DCC: variants seen among roughly 807,000 people sequenced by gnomAD.
The protein encoded by DCC is DCC netrin 1 receptor.
In DCC, 58 loss-of-function variants were observed where a neutral mutation model predicts 172.5. That is an observed-to-expected ratio of 0.34 (90% CI 0.27 to 0.42). The LOEUF is 0.42. DCC is among the 10% of genes least tolerant of loss of function. DCC has a pLI of 1.00. For synonymous variants in DCC, 709 were observed against 644.5 expected (o/e 1.10, Z -1.52); for missense variants, 1,740 against 1,791.0 (o/e 0.97, Z 0.51).
rs73457786 is a variant in DCC, at chr18:52,743,945, T to C, written c.92-8109T>C. Among the ~76,000 whole-genome samples, 393 of 152,336 alleles carry C rather than the reference T, an allele frequency of 2.6e-3. 1 individual carries two copies. The highest frequency in any genetic ancestry group is 9.1e-3 in the African/African-American group (379 of 41,586). ...ATGTCCTGACACTAAAATCACTTCC[T>C]GATTCAGTCATGCTAGCTTTCCAAG... is the stretch of plus-strand genomic sequence containing the variant. On this transcript the variant is annotated intron_variant, in intron 1 of 28. Coordinates refer to ENST00000442544, the MANE Select transcript of DCC (RefSeq NM_005215.4).
At chr18:52,764,142 A>T (rs2037206505) in intron 2 of DCC, among the ~76,000 whole-genome samples, 1 of 152,180 alleles carries the variant, frequency 6.6e-6, no homozygotes, top group Non-Finnish European at 1.5e-5. Flanking sequence ...ATTAGCCTGG[A>T]CCTAAACATT....
At chr18:52,645,910 A>C (rs2035009193) in intron 1 of DCC, among the ~76,000 whole-genome samples, 4 of 152,220 alleles carry the variant, frequency 2.6e-5, no homozygotes. Context: ...CAGGGGTGTT[A>C]TTCTCAAAGC....
intron 21 of DCC, among the ~76,000 whole-genome samples, chr18:53,423,371 G>C (rs767331503): frequency 4.6e-4 from 70 of 152,082 alleles, no homozygotes; most frequent in Non-Finnish European, 7.9e-4. Flanking sequence ...ATGGGTCACT[G>C]TTGCTTTGGG....
intron 1 of DCC, among the ~76,000 whole-genome samples, chr18:52,550,444 A>G (rs2032737573): frequency 6.6e-6 from 1 of 152,134 alleles, no homozygotes; most frequent in Non-Finnish European, 1.5e-5. Context: ...GTTCTATTTG[A>G]TGAACGGTTT....
chr18:52,469,818 G>A (rs1988895562), intron 1 of DCC, among the ~76,000 whole-genome samples: 1 of 152,168 alleles, frequency 6.6e-6, no homozygotes, highest in African/African-American at 2.4e-5. Context: ...GCATTACTGG[G>A]ACCTCACAGT....
At chr18:52,437,714 T>C (rs954018996) in intron 1 of DCC, among the ~76,000 whole-genome samples, 1 of 152,236 alleles carries the variant, frequency 6.6e-6, no homozygotes, top group African/African-American at 2.4e-5. Context: ...TTGATTTACA[T>C]GGTTTTTTAT....
At chr18:52,415,841 T>C (rs1460331076) in intron 1 of DCC, among the ~76,000 whole-genome samples, 1 of 152,216 alleles carries the variant, frequency 6.6e-6, no homozygotes, top group East Asian at 1.9e-4. Context: ...GATTCATTAA[T>C]TTTTGAAGGA....
intron 7 of DCC, among the ~76,000 whole-genome samples, chr18:53,154,811 G>A (rs1413935889): frequency 1.3e-5 from 2 of 152,114 alleles, no homozygotes; most frequent in African/African-American, 4.8e-5. Flanking sequence ...CTGAGGGGGA[G>A]GGAGAGAATA....
At chr18:53,360,158 ATTGTGTGT>A (rs1056417171) in intron 15 of DCC, among the ~76,000 whole-genome samples, 2 of 152,030 alleles carry the variant, frequency 1.3e-5, no homozygotes, top group Non-Finnish European at 2.9e-5. Context: ...TTTATTAGGT[ATTGTGTGT>A]TTGTGTGTTT....
intron 1 of DCC, among the ~76,000 whole-genome samples, chr18:52,651,745 C>G (rs2035135655): frequency 6.6e-6 from 1 of 152,110 alleles, no homozygotes; most frequent in Admixed American, 6.5e-5. Flanking sequence ...TATCTTGTCA[C>G]AGCCCCAGCC....
intron 27 of DCC, among the ~76,000 whole-genome samples, chr18:53,522,279 T>TG (rs950575256): frequency 3.4e-5 from 5 of 148,250 alleles, no homozygotes; most frequent in Non-Finnish European, 7.5e-5. Flanking sequence ...GTCAGAAGTT[T>TG]GGAAAAAAAA....
intron 1 of DCC, among the ~76,000 whole-genome samples, chr18:52,378,981 G>A (rs1186972093): frequency 6.6e-6 from 1 of 152,134 alleles, no homozygotes; most frequent in Non-Finnish European, 1.5e-5. Flanking sequence ...TGCCCTTGTT[G>A]TAGGAAAGGT....
At chr18:53,481,451 T>C (rs1010085725) in intron 25 of DCC, among the ~76,000 whole-genome samples, 1 of 152,190 alleles carries the variant, frequency 6.6e-6, no homozygotes, top group Non-Finnish European at 1.5e-5. Context: ...CTTGTGAATG[T>C]CATTCTGTGG....
intron 1 of DCC, among the ~76,000 whole-genome samples, chr18:52,382,961 G>C (rs1038755819): frequency 1.1e-4 from 17 of 152,066 alleles, no homozygotes; most frequent in African/African-American, 3.9e-4. Flanking sequence ...TAAAAATTAT[G>C]CACAAATAAA....
chr18:53,503,916 C>T (rs2046136156), intron 27 of DCC, among the ~76,000 whole-genome samples: 1 of 152,088 alleles, frequency 6.6e-6, no homozygotes, highest in Non-Finnish European at 1.5e-5. Flanking sequence ...TGATCTTTTC[C>T]ATCTTCAAGG....
chr18:52,758,592 C>T (rs1343353505), intron 2 of DCC, among the ~76,000 whole-genome samples: 1 of 151,254 alleles, frequency 6.6e-6, no homozygotes, highest in Non-Finnish European at 1.5e-5. Flanking sequence ...TTAGTGAAAG[C>T]ATATTATGGT....
At chr18:52,511,690 C>A (rs2144648603) in intron 1 of DCC, among the ~76,000 whole-genome samples, 1 of 152,292 alleles carries the variant, frequency 6.6e-6, no homozygotes, top group Middle Eastern at 3.4e-3. Flanking sequence ...GCTGGGAATT[C>A]TCGCGTTAAA....
At chr18:52,449,439 A>G (rs369072087) in intron 1 of DCC, among the ~76,000 whole-genome samples, 24 of 152,370 alleles carry the variant, frequency 1.6e-4, no homozygotes, top group Middle Eastern at 3.4e-3. Context: ...AAGAGTCCTT[A>G]GAGCAATATT....
chr18:52,566,166 C>A (rs2033155371), intron 1 of DCC, among the ~76,000 whole-genome samples: 1 of 152,052 alleles, frequency 6.6e-6, no homozygotes, highest in Non-Finnish European at 1.5e-5. Flanking sequence ...GGCATTGCAC[C>A]ATGGAATACT....
Sources: allele counts gnomAD v4.1 joint callset (sites outside exome capture counted in the v4.1 genomes callset), GRCh38; gene constraint gnomAD v4.1.1; transcripts MANE v1.5; gene names NCBI Gene and HGNC (gene_info 2026-07-23, HGNC 2026-07-21).